The following ST6GALNAC3 variants were observed in gnomAD, a reference collection of about 807,000 sequenced individuals.
ST6GALNAC3 encodes ST6 N-acetylgalactosaminide alpha-2,6-sialyltransferase 3, also known as alpha-N-acetylgalactosaminide alpha-2,6-sialyltransferase 3.
In ST6GALNAC3, 25 loss-of-function variants were observed where a neutral mutation model predicts 32.7. That is an observed-to-expected ratio of 0.76 (90% confidence interval 0.56 to 1.07). ST6GALNAC3 has a LOEUF of 1.07. ST6GALNAC3 is among the 50% of genes least tolerant of loss of function. The pLI is 0.00. For synonymous variants in ST6GALNAC3, 129 were observed against 133.1 expected, an observed-to-expected ratio of 0.97 and a Z score of 0.21; for missense variants, 355 against 382.4, an observed-to-expected ratio of 0.93 and a Z score of 0.60.
intron 2 of ST6GALNAC3, among the ~76,000 whole-genome samples, chr1:76,326,109 C>T (rs1647063739): frequency 6.6e-6 from 1 of 152,164 alleles, no homozygotes; most frequent in Non-Finnish European, 1.5e-5. Flanking sequence ...GCCATCCAGG[C>T]TGAGATCGGC....
chr1:76,367,590 C>A (rs1046787565), intron 2 of ST6GALNAC3, among the ~76,000 whole-genome samples: 2 of 152,080 alleles, frequency 1.3e-5, no homozygotes, highest in African/African-American at 2.4e-5. Flanking sequence ...AGTAAAAGTT[C>A]TCAGCTTACA....
intron 2 of ST6GALNAC3, among the ~76,000 whole-genome samples, chr1:76,314,841 G>A (rs12079106): frequency 0.42 from 64,254 of 151,910 alleles, 13,866 homozygotes; most frequent in Middle Eastern, 0.45. Flanking sequence ...CATTACTAGG[G>A]AGAGTCTTGG....
chr1:76,521,161 T>C (rs1286781741), intron 3 of ST6GALNAC3, among the ~76,000 whole-genome samples: 1 of 152,208 alleles, frequency 6.6e-6, no homozygotes, highest in East Asian at 1.9e-4. Flanking sequence ...ACAATAAGGA[T>C]ACAACCTTAT....
chr1:76,602,033 G>C (rs1346711591), intron 3 of ST6GALNAC3, among the ~76,000 whole-genome samples: 1 of 152,164 alleles, frequency 6.6e-6, no homozygotes, highest in African/African-American at 2.4e-5. Context: ...TAGAGACTCT[G>C]AAATAGTCTC....
chr1:76,277,694 G>C (rs371834373), intron 1 of ST6GALNAC3, among the ~76,000 whole-genome samples: 1 of 151,090 alleles, frequency 6.6e-6, no homozygotes, highest in East Asian at 1.9e-4. Context: ...TTAACTTAAC[G>C]TGAAGGAGGA....
intron 1 of ST6GALNAC3, among the ~76,000 whole-genome samples, chr1:76,268,817 G>A (rs879527237): frequency 3.9e-4 from 60 of 152,016 alleles, no homozygotes; most frequent in Non-Finnish European, 3.7e-4. Flanking sequence ...GCCTAACCAC[G>A]ATGTACCCAC....
intron 2 of ST6GALNAC3, among the ~76,000 whole-genome samples, chr1:76,381,077 G>A (rs1651667129): frequency 6.7e-6 from 1 of 149,920 alleles, no homozygotes; most frequent in Non-Finnish European, 1.5e-5. Flanking sequence ...CTATTGTAGA[G>A]AAGGTTGTGG....
chr1:76,324,199 G>T (rs1570824989), intron 2 of ST6GALNAC3, among the ~76,000 whole-genome samples: 1 of 152,136 alleles, frequency 6.6e-6, no homozygotes, highest in Non-Finnish European at 1.5e-5. Flanking sequence ...AAACACTCTA[G>T]AACTTTCACT....
At chr1:76,277,465 G>T (rs1659194629) in intron 1 of ST6GALNAC3, among the ~76,000 whole-genome samples, 2 of 149,614 alleles carry the variant, frequency 1.3e-5, no homozygotes, top group South Asian at 4.3e-4. Flanking sequence ...TCAAAAAATA[G>T]ATGGAATAAG....
At chr1:76,223,895 G>A (rs1655918889) in intron 1 of ST6GALNAC3, among the ~76,000 whole-genome samples, 1 of 152,104 alleles carries the variant, frequency 6.6e-6, no homozygotes, top group Admixed American at 6.6e-5. Flanking sequence ...ATTGCAGTCA[G>A]GAAACTGGTA....
At chr1:76,548,004 T>C (rs919750491) in intron 3 of ST6GALNAC3, among the ~76,000 whole-genome samples, 1 of 152,172 alleles carries the variant, frequency 6.6e-6, no homozygotes, top group Non-Finnish European at 1.5e-5. Context: ...TAACCACACC[T>C]TTCTTAACTT....
chr1:76,425,955 G>T (rs747060037), intron 3 of ST6GALNAC3, among the ~76,000 whole-genome samples: 1 of 151,818 alleles, frequency 6.6e-6, no homozygotes, highest in Non-Finnish European at 1.5e-5. Context: ...TCATAAATAT[G>T]TTAGCTTAAG....
chr1:76,587,056 CTGAA>C, intron 3 of ST6GALNAC3, among the ~76,000 whole-genome samples: 1 of 152,298 alleles, frequency 6.6e-6, no homozygotes, highest in Middle Eastern at 3.4e-3. Flanking sequence ...TGCTTTAACA[CTGAA>C]TGAAAAGATT....
At chr1:76,337,823 T>A (rs1204197556) in intron 2 of ST6GALNAC3, among the ~76,000 whole-genome samples, 1 of 152,142 alleles carries the variant, frequency 6.6e-6, no homozygotes, top group Middle Eastern at 3.2e-3. Flanking sequence ...TGGTCCTGTG[T>A]GATTGGGATC....
chr1:76,158,030 A>C (rs1651570816), intron 1 of ST6GALNAC3, among the ~76,000 whole-genome samples: 1 of 152,164 alleles, frequency 6.6e-6, no homozygotes, highest in African/African-American at 2.4e-5. Context: ...GAAACTCCCC[A>C]CTATGCTGCC....
chr1:76,615,115 G>A (rs1400670519), intron 3 of ST6GALNAC3, among the ~76,000 whole-genome samples: 3 of 152,056 alleles, frequency 2.0e-5, no homozygotes, highest in Non-Finnish European at 4.4e-5. Context: ...CACAAGGATT[G>A]GTGCTTCAAT....
intron 3 of ST6GALNAC3, among the ~76,000 whole-genome samples, chr1:76,486,910 G>A (rs966287923): frequency 1.3e-5 from 2 of 152,092 alleles, no homozygotes; most frequent in South Asian, 2.1e-4. Flanking sequence ...AGCTCTTTTA[G>A]GGCAGGCCTG....
At chr1:76,548,116 G>A (rs1664407956) in intron 3 of ST6GALNAC3, among the ~76,000 whole-genome samples, 1 of 152,100 alleles carries the variant, frequency 6.6e-6, no homozygotes, top group African/African-American at 2.4e-5. Flanking sequence ...CCTCAAACAA[G>A]CCAGACCTTT....
intron 1 of ST6GALNAC3, among the ~76,000 whole-genome samples, chr1:76,263,312 A>G (rs1658349596): frequency 6.6e-6 from 1 of 152,258 alleles, no homozygotes; most frequent in African/African-American, 2.4e-5. Context: ...AGTGCTTGGG[A>G]CACTGCCAAT....
Sources: allele counts gnomAD v4.1 joint callset (sites outside exome capture counted in the v4.1 genomes callset), GRCh38; gene constraint gnomAD v4.1.1; transcripts MANE v1.5; gene names NCBI Gene and HGNC (gene_info 2026-07-23, HGNC 2026-07-21).